The following FILIP1 variants were observed in gnomAD, a reference collection of about 807,000 sequenced individuals.
The protein encoded by FILIP1 is filamin-A-interacting protein 1.
FILIP1 carries 61 observed loss-of-function variants against 102.1 expected under a neutral mutation model. That is an observed-to-expected ratio of 0.60 (90% CI 0.49 to 0.74). The LOEUF is 0.74. Ranked by LOEUF, FILIP1 falls within the 30% of genes least tolerant of loss-of-function variation. FILIP1 has a pLI of 0.00. For missense variants in FILIP1, 1,314 were observed against 1,441.2 expected (o/e 0.91, Z 1.43); for synonymous variants, 491 against 526.9 (o/e 0.93, Z 0.93).
intron 2 of FILIP1, among the ~76,000 whole-genome samples, chr6:75,403,524 A>AAG (rs372962522): frequency 0.022 from 3,011 of 134,736 alleles, 107 homozygotes; most frequent in South Asian, 0.039. Context: ...CAAAAAAAAA[A>AAG]AAAAAAGAAA....
chr6:75,294,425 CCATATT>C (rs1047472949), exon 7 of FILIP1: 3 of 151,828 alleles, frequency 2.0e-5, no homozygotes, highest in African/African-American at 7.3e-5. Flanking sequence ...AAAAACATGT[CCATATT>C]AACAGTCTTT....
intron 4 of FILIP1, among the ~76,000 whole-genome samples, chr6:75,331,315 C>A (rs1399399590): frequency 6.6e-6 from 1 of 152,066 alleles, no homozygotes; most frequent in Non-Finnish European, 1.5e-5. Context: ...TGCTGACCAT[C>A]CAGGAGGCCC....
intron 4 of FILIP1, among the ~76,000 whole-genome samples, chr6:75,336,314 G>A (rs553588573): frequency 5.1e-4 from 78 of 152,236 alleles, no homozygotes; most frequent in African/African-American, 1.9e-3. Context: ...CTGTATAATA[G>A]GGATATGGGT....
chr6:75,376,298 G>A lies in FILIP1; in HGVS notation c.277-13381C>T, dbSNP rs182094882. On this transcript the variant is annotated intron_variant, in intron 2 of 5. Coordinates refer to ENST00000237172, the MANE Select transcript of FILIP1 (RefSeq NM_015687.5). Reference sequence around the variant, plus strand: ...GAATCTTGTGTTAGAAACATGCATCGGTACAACAGTTCAGAGAGGTTAGTG... The same window carrying A: ...GAATCTTGTGTTAGAAACATGCATCAGTACAACAGTTCAGAGAGGTTAGTG... Among the ~76,000 whole-genome samples the A allele has an allele frequency of 3.2e-3, 487 of 152,152 alleles. 1 individual carries two copies. Among genetic ancestry groups the A allele is most frequent in the Non-Finnish European group, 4.9e-3 (335 of 67,992 alleles).
In FILIP1 at chr6:75,312,551, G is replaced by A; in HGVS notation, c.3281C>T (p.Pro1094Leu). ...CTCCTTTTCGGCTGTCACGTTTACT[G>A]GTCGGACAGTAATAACTGGACTGAC... ...EGVSPVITVR[P>L]VNVTAEKEVS... The change falls in exon 5 of 6, where the codon CCA (proline) becomes CTA (leucine). Residue 1094 changes from proline to leucine, a missense_variant. Transcript: ENST00000237172. The A allele has an allele frequency of 6.2e-7, 1 of 1,614,200 alleles. No individual in the cohort carries two copies. Among genetic ancestry groups the A allele is most frequent in the Non-Finnish European group, 8.5e-7 (1 of 1,180,042 alleles).
At chr6:75,348,902 A>G (rs1353947962) in intron 4 of FILIP1, among the ~76,000 whole-genome samples, 1 of 152,212 alleles carries the variant, frequency 6.6e-6, no homozygotes, top group African/African-American at 2.4e-5. Flanking sequence ...TATCTTCATG[A>G]TAACAGTCAT....
chr6:75,435,402 T>C (rs1239708626), intron 1 of FILIP1, among the ~76,000 whole-genome samples: 1 of 152,236 alleles, frequency 6.6e-6, no homozygotes. Flanking sequence ...TCTTGAAATA[T>C]AAATGAATGG....
intron 1 of FILIP1, among the ~76,000 whole-genome samples, chr6:75,460,018 G>A (rs1043786263): frequency 6.6e-6 from 1 of 152,114 alleles, no homozygotes; most frequent in Non-Finnish European, 1.5e-5. Flanking sequence ...GACTCCAACA[G>A]AGCCAATAAA....
intron 4 of FILIP1, among the ~76,000 whole-genome samples, chr6:75,320,511 AG>A (rs1773614197): frequency 6.6e-6 from 1 of 152,208 alleles, no homozygotes; most frequent in African/African-American, 2.4e-5. Flanking sequence ...CGGGAGGCAG[AG>A]GTTGCAGTGA....
intron 4 of FILIP1, among the ~76,000 whole-genome samples, chr6:75,323,050 A>G (rs1033584771): frequency 1.3e-5 from 2 of 152,238 alleles, no homozygotes; most frequent in African/African-American, 4.8e-5. Flanking sequence ...CAGAAATTTA[A>G]TTATTTTCAA....
chr6:75,398,518 A>C (rs1408267795), intron 2 of FILIP1, among the ~76,000 whole-genome samples: 1 of 152,182 alleles, frequency 6.6e-6, no homozygotes, highest in Non-Finnish European at 1.5e-5. Flanking sequence ...ATCATGAGGA[A>C]GGAAGAACCT....
intron 4 of FILIP1, among the ~76,000 whole-genome samples, chr6:75,317,017 T>C (rs547706965): frequency 2.0e-5 from 3 of 152,230 alleles, no homozygotes; most frequent in Non-Finnish European, 2.9e-5. Context: ...AAGCTTAACA[T>C]GTTAAAGCTT....
At chr6:75,320,088 C>A in intron 4 of FILIP1, 1 of 218,876 alleles carries the variant, frequency 4.6e-6, no homozygotes, top group Non-Finnish European at 9.3e-6. Flanking sequence ...GCTGTCCCAA[C>A]TTATAATTTT....
At chr6:75,351,112 G>T (rs138606886) in intron 4 of FILIP1, among the ~76,000 whole-genome samples, 1 of 152,214 alleles carries the variant, frequency 6.6e-6, no homozygotes, top group African/African-American at 2.4e-5. Flanking sequence ...TGTTGCCCAG[G>T]CTGGAGTGCA....
At chr6:75,353,461 A>T (rs899276212) in intron 4 of FILIP1, 78 bp downstream of exon 4, 21 of 1,506,520 alleles carry the variant, frequency 1.4e-5, no homozygotes, top group African/African-American at 2.8e-5. Context: ...TGGCTGAAAG[A>T]CTGATCCCTG....
chr6:75,437,354 A>C (rs1012078320), intron 1 of FILIP1, among the ~76,000 whole-genome samples: 4 of 152,366 alleles, frequency 2.6e-5, no homozygotes, highest in Admixed American at 2.6e-4. Context: ...TAAAGAAAAC[A>C]AGCTGGATTT....
exon 7 of FILIP1, chr6:75,293,022 G>T (rs1772580696): frequency 6.6e-6 from 1 of 152,174 alleles, no homozygotes; most frequent in South Asian, 2.1e-4. Context: ...ATAGGCATCT[G>T]ACAGCTGGTG....
chr6:75,370,256 T>TGGTA (rs1775469841), intron 2 of FILIP1, among the ~76,000 whole-genome samples: 1 of 152,350 alleles, frequency 6.6e-6, no homozygotes, highest in South Asian at 2.1e-4. Context: ...TACTTACATA[T>TGGTA]GGTAATTTAT....
At chr6:75,351,999 A>G (rs764296498) in intron 4 of FILIP1, among the ~76,000 whole-genome samples, 2 of 152,246 alleles carry the variant, frequency 1.3e-5, no homozygotes, top group East Asian at 1.9e-4. Flanking sequence ...ATAAAAAACC[A>G]TAAGTCTGGG....
Sources: gnomAD v4.1 joint callset for allele counts (sites outside exome capture counted in the v4.1 genomes callset) on GRCh38, gnomAD v4.1.1 for gene constraint, MANE v1.5 for transcripts, NCBI Gene and HGNC (gene_info 2026-07-23, HGNC 2026-07-21) for gene names.